The following ATL1 variants were observed in gnomAD, a reference collection of about 807,000 sequenced individuals.
The protein encoded by ATL1 is atlastin-1.
A neutral mutation model predicts 75.5 loss-of-function variants in ATL1; 31 were observed. That is an observed-to-expected ratio of 0.41 (90% CI 0.31 to 0.55). The LOEUF is 0.55. Among genes scored for constraint, ATL1 ranks in the 20% least tolerant of loss-of-function variants. The pLI, the probability that ATL1 is intolerant of heterozygous loss-of-function variation, is 0.27. For synonymous variants in ATL1, 226 were observed against 233.3 expected (o/e 0.97, Z 0.28); for missense variants, 405 against 662.6 (o/e 0.61, Z 4.27).
chr14:50,566,455 G>C (rs113223082), intron 1 of ATL1, among the ~76,000 whole-genome samples: 5,310 of 152,114 alleles, frequency 0.035, 96 homozygotes, highest in Middle Eastern at 0.058. Flanking sequence ...CTAATATAAA[G>C]GGAATCTAGA....
At chr14:50,575,718 G>C (rs894547427) in intron 1 of ATL1, among the ~76,000 whole-genome samples, 1 of 151,738 alleles carries the variant, frequency 6.6e-6, no homozygotes, top group Non-Finnish European at 1.5e-5. Context: ...TATACCCAGA[G>C]TTTGTCATCT....
At chr14:50,538,496 T>C (rs1183835020) in intron 1 of ATL1, among the ~76,000 whole-genome samples, 1 of 152,200 alleles carries the variant, frequency 6.6e-6, no homozygotes, top group African/African-American at 2.4e-5. Flanking sequence ...TGTCTGCAAA[T>C]TCAATAGCTA....
At chr14:50,536,547 G>C (rs1047109673) in intron 1 of ATL1, among the ~76,000 whole-genome samples, 30 of 152,118 alleles carry the variant, frequency 2.0e-4, no homozygotes, top group Non-Finnish European at 4.4e-4. Context: ...GGTTGGAAGA[G>C]TTTGGAGAGC....
In ATL1 at chr14:50,560,664, G is replaced by C. The variant is rs567109741; in HGVS notation, c.34+365G>C. Reference sequence around the variant, plus strand: ...GGAAGGCTATGGGGGTGGGCAGGGGGCTGTTGTTACTCGGCCCCAGAGGGG... The same window carrying C: ...GGAAGGCTATGGGGGTGGGCAGGGGCCTGTTGTTACTCGGCCCCAGAGGGG... On this transcript the variant is annotated intron_variant, in intron 1 of 13. Transcript: ENST00000358385. 3.0e-4 allele frequency among the ~76,000 whole-genome samples: 45 copies of C among 152,362 alleles called. 2 individuals carry two copies. Among genetic ancestry groups the C allele is most frequent in the Admixed American group, 2.4e-3 (36 of 15,304 alleles).
intron 10 of ATL1, among the ~76,000 whole-genome samples, chr14:50,622,581 G>C (rs1415639280): frequency 6.6e-6 from 1 of 151,990 alleles, no homozygotes; most frequent in Non-Finnish European, 1.5e-5. Flanking sequence ...CAGGAGAATT[G>C]CTTGAACCCA....
chr14:50,627,879 G>C, intron 11 of ATL1, 152 bp from the exon 12 acceptor site: 2 of 706,508 alleles, frequency 2.8e-6, no homozygotes, highest in Non-Finnish European at 4.9e-6. Flanking sequence ...CTCGTGGATA[G>C]GGGGTGGAAA....
intron 1 of ATL1, among the ~76,000 whole-genome samples, chr14:50,564,411 A>G (rs2038880979): frequency 1.3e-5 from 2 of 152,032 alleles, no homozygotes; most frequent in Admixed American, 1.3e-4. Flanking sequence ...GCACTTTGGG[A>G]AGCTAAGGCG....
chr14:50,629,813 G>C (rs557372264), intron 12 of ATL1, among the ~76,000 whole-genome samples, 182 bp from the exon 13 acceptor site: 1 of 152,096 alleles, frequency 6.6e-6, no homozygotes, highest in Admixed American at 6.5e-5. Flanking sequence ...AAACCTATGA[G>C]GAATACAGAA....
At chr14:50,628,575 C>A in intron 12 of ATL1, 113 bp downstream of exon 12, 2 of 1,126,236 alleles carry the variant, frequency 1.8e-6, no homozygotes, top group Non-Finnish European at 2.6e-6. Context: ...GGGCCCCAGT[C>A]ATCAAGAATG....
intron 4 of ATL1, among the ~76,000 whole-genome samples, chr14:50,592,159 T>A (rs947255581): frequency 2.2e-4 from 34 of 152,326 alleles, no homozygotes; most frequent in African/African-American, 7.5e-4. Context: ...TTCACTTTTT[T>A]AAAAGTCTTA....
At chr14:50,604,483 C>A (rs899953414) in intron 6 of ATL1, among the ~76,000 whole-genome samples, 1 of 152,100 alleles carries the variant, frequency 6.6e-6, no homozygotes, top group East Asian at 1.9e-4. Flanking sequence ...GTAGTATATA[C>A]ATATTTGGGA....
chr14:50,540,903 A>G (rs988154153), intron 1 of ATL1, among the ~76,000 whole-genome samples: 3 of 152,228 alleles, frequency 2.0e-5, no homozygotes, highest in African/African-American at 7.2e-5. Flanking sequence ...AAAGATATGA[A>G]AGATACAAGT....
chr14:50,546,892 G>A (rs1344680865), intron 1 of ATL1, among the ~76,000 whole-genome samples: 2 of 151,958 alleles, frequency 1.3e-5, no homozygotes, highest in Admixed American at 6.6e-5. Flanking sequence ...GAACATGCAG[G>A]TTTGTTACAT....
chr14:50,630,106 G>C, intron 13 of ATL1, 97 bp downstream of exon 13: 2 of 828,876 alleles, frequency 2.4e-6, no homozygotes, highest in South Asian at 2.2e-5. Flanking sequence ...TCTTTATGTA[G>C]ATTAGAACAA....
intron 1 of ATL1, among the ~76,000 whole-genome samples, chr14:50,586,146 T>A (rs2039099755): frequency 6.6e-6 from 1 of 152,196 alleles, no homozygotes; most frequent in Non-Finnish European, 1.5e-5. Flanking sequence ...ATAGACATCA[T>A]GAAGAATGTC....
At chr14:50,570,205 G>A (rs1205352351) in intron 1 of ATL1, among the ~76,000 whole-genome samples, 4 of 152,040 alleles carry the variant, frequency 2.6e-5, no homozygotes, top group Non-Finnish European at 5.9e-5. Context: ...GTGTCCCACA[G>A]GTTTGTTAAG....
intron 6 of ATL1, among the ~76,000 whole-genome samples, chr14:50,605,317 T>G (rs1288821702): frequency 2.6e-5 from 4 of 151,804 alleles, no homozygotes; most frequent in Non-Finnish European, 4.4e-5. Context: ...AGAGGATATT[T>G]TGGTCTTGTT....
chr14:50,617,668 A>C (rs1334318408), intron 8 of ATL1, among the ~76,000 whole-genome samples: 1 of 152,232 alleles, frequency 6.6e-6, no homozygotes, highest in Non-Finnish European at 1.5e-5. Flanking sequence ...AAGCCCCTAA[A>C]GTCCTTGGAA....
At position 50,547,083 on chromosome 14, in the gene ATL1, G is replaced by C. The variant is rs542457443; in HGVS notation, c.-139-13044G>C. Among the ~76,000 whole-genome samples the C allele has an allele frequency of 1.6e-4, 25 of 152,122 alleles. No homozygotes were observed. The East Asian group carries it at 4.6e-3, about 28-fold the overall frequency. On this transcript the variant is annotated intron_variant, in intron 1 of 13. Coordinates refer to the ATL1 transcript ENST00000441560. ...ACACAGGGGGAGGGGGGAACTTTAA[G>C]GTTTTTACTTAGGTGAACATCTTAT...
Sources: allele counts gnomAD v4.1 joint callset (sites outside exome capture counted in the v4.1 genomes callset), GRCh38; gene constraint gnomAD v4.1.1; transcripts MANE v1.5; gene names NCBI Gene and HGNC (gene_info 2026-07-23, HGNC 2026-07-21).